NRXN2: variants seen among roughly 807,000 people sequenced by gnomAD.
NRXN2 encodes the protein neurexin-2-beta.
A neutral mutation model predicts 128.8 loss-of-function variants in NRXN2; 29 were observed. The ratio of observed to expected loss-of-function variants is 0.23; its 90% CI spans 0.17 to 0.31. The LOEUF is 0.31. Among genes scored for constraint, NRXN2 ranks in the 10% least tolerant of loss-of-function variants. NRXN2 has a pLI of 1.00. For missense variants in NRXN2, 1,881 were observed against 2,452.6 expected (o/e 0.77, Z 4.92); for synonymous variants, 1,098 against 1,075.2 (o/e 1.02, Z -0.41).
In NRXN2 at chr11:64,660,525, G is replaced by T; in HGVS notation, c.2196C>A (p.Val732=). ...TGTACATGGAGCCATCGTAGCTCAG[G>T]ACCGTGGCCTCTGCCCACAGGAGTT... The part of the protein sequence containing the change: ...LGRVCEREAT[V]LSYDGSMYMK... The change falls in exon 11 of 23, where the codon GTC becomes GTA. Residue 732 remains valine (V), a synonymous_variant. Coordinates refer to ENST00000265459, the MANE Select transcript of NRXN2 (RefSeq NM_015080.4). The surrounding 1 kb of genome is among the most constrained non-coding windows in gnomAD (Gnocchi z 5.2). 6.2e-7 allele frequency: 1 copy of T among 1,614,160 alleles called. No homozygotes were observed. Among genetic ancestry groups the T allele is most frequent in the East Asian group, 2.2e-5 (1 of 44,878 alleles).
chr11:64,649,977 C>T (rs1201152491), intron 15 of NRXN2, among the ~76,000 whole-genome samples: 1 of 151,978 alleles, frequency 6.6e-6, no homozygotes, highest in Non-Finnish European at 1.5e-5. Flanking sequence ...ACCAGGGAAG[C>T]CTAGGTCCAA....
chr11:64,660,575 G>A lies in NRXN2; in HGVS notation c.2186-40C>T, dbSNP rs745458127. 4.9e-5 allele frequency: 79 copies of A among 1,607,152 alleles called. No individual in the cohort carries two copies. Among genetic ancestry groups the A allele is most frequent in the Non-Finnish European group, 6.1e-5 (72 of 1,174,928 alleles). ...TGGGGAAGAGGGAAGGAGAAGACAG[G>A]CAGAGGCCAGGGGAGGGAGAAGACC... On this transcript the variant is annotated intron_variant, in intron 10 of 22. Coordinates refer to ENST00000265459, the MANE Select transcript of NRXN2 (RefSeq NM_015080.4). This position sits in a 1 kb window ranked among gnomAD's most constrained non-coding sequence, Gnocchi z 5.2.
chr11:64,620,724 G>A (rs1486899297), intron 21 of NRXN2, among the ~76,000 whole-genome samples: 1 of 148,796 alleles, frequency 6.7e-6, no homozygotes, highest in Non-Finnish European at 1.5e-5. Context: ...AGGTGCCAGG[G>A]AGGCAAGGCC....
At chr11:64,681,322 A>G (rs899047496) in intron 6 of NRXN2, among the ~76,000 whole-genome samples, 40 of 152,322 alleles carry the variant, frequency 2.6e-4, no homozygotes, top group African/African-American at 9.1e-4. Context: ...CAATAGTTGC[A>G]GGTATTAAGC....
At position 64,714,126 on chromosome 11, in the gene NRXN2, A is replaced by G. The variant is rs1006013890; in HGVS notation, c.-244-183T>C. ...AGAGACGCGGATTCCGGGGGCCAGC[A>G]CTTAGGAGAGATGGCACGCACTAGG... On this transcript the variant is annotated intron_variant, in intron 1 of 22. Coordinates refer to ENST00000265459, the MANE Select transcript of NRXN2 (RefSeq NM_015080.4). This position sits in a 1 kb window ranked among gnomAD's most constrained non-coding sequence, Gnocchi z 4.5. 1.3e-5 allele frequency among the ~76,000 whole-genome samples: 2 copies of G among 152,178 alleles called. No individual in the cohort carries two copies. The highest frequency in any genetic ancestry group is 4.8e-5 in the African/African-American group (2 of 41,462).
rs770351980 is a variant in NRXN2 at position 64,607,145 on chromosome 11, C to T, written c.*51G>A. ...GGCAGGGAGAGGGTGGCACCCTCCTCCCGGGCCCTCCCAGGAGGGGCAGCT... is the reference window on the plus strand; with the variant it reads ...GGCAGGGAGAGGGTGGCACCCTCCTTCCGGGCCCTCCCAGGAGGGGCAGCT... On this transcript the variant is annotated 3_prime_UTR_variant, in exon 23 of 23. Coordinates refer to ENST00000265459, the MANE Select transcript of NRXN2 (RefSeq NM_015080.4). 7 of 1,587,656 alleles carry T rather than the reference C, an allele frequency of 4.4e-6. No individual in the cohort carries two copies. The highest frequency in any genetic ancestry group is 1.8e-4 in the Middle Eastern group (1 of 5,420).
intron 15 of NRXN2, among the ~76,000 whole-genome samples, 163 bp from the exon 16 acceptor site, chr11:64,649,070 C>A (rs557760406): frequency 3.1e-4 from 47 of 152,264 alleles, no homozygotes; most frequent in Non-Finnish European, 5.6e-4. Context: ...CCCGCACCCC[C>A]CCAACACACT....
At chr11:64,642,413 C>A (rs2045832528) in intron 17 of NRXN2, 6 of 1,361,558 alleles carry the variant, frequency 4.4e-6, no homozygotes, top group Non-Finnish European at 5.8e-6. Context: ...CTCCGGGACG[C>A]AAAGCAGAGG....
intron 15 of NRXN2, among the ~76,000 whole-genome samples, chr11:64,649,984 C>T (rs1591796896): frequency 6.6e-6 from 1 of 152,012 alleles, no homozygotes; most frequent in Non-Finnish European, 1.5e-5. Context: ...AAGCCTAGGT[C>T]CAAAATGTCC....
rs116368661 is a variant in NRXN2, at chr11:64,609,708, T to C, written c.4253-1626A>G. On this transcript the variant is annotated intron_variant, in intron 22 of 22. Coordinates refer to ENST00000265459, the MANE Select transcript of NRXN2 (RefSeq NM_015080.4). Reference sequence around the variant, plus strand: ...AAGGGAGCTGGGGCTCAGCTCTAGGTGGCTGGTGGGAGGACTTGCTCCTCT... The same window carrying C: ...AAGGGAGCTGGGGCTCAGCTCTAGGCGGCTGGTGGGAGGACTTGCTCCTCT... Among the ~76,000 whole-genome samples the C allele has an allele frequency of 8.6e-3, 1,310 of 152,242 alleles. 17 individuals carry two copies. Among genetic ancestry groups the C allele is most frequent in the African/African-American group, 0.03 (1,239 of 41,530 alleles).
chr11:64,650,598 A>T lies in NRXN2; in HGVS notation c.2959T>A (p.Leu987Met). ...YVFDLGNGPS[L>M]MKGNSDKPVN... ...GGTTTGTCTGAGTTCCCCTTCATCA[A>T]GGACGGGCCATTCCCCAGGTCAAAC... Residue 987 changes from leucine (L) to methionine (M), a missense_variant, in exon 15 of 23, where the codon TTG becomes ATG. Coordinates refer to ENST00000265459, the MANE Select transcript of NRXN2 (RefSeq NM_015080.4). The T allele has an allele frequency of 6.2e-7, 1 of 1,614,150 alleles. No individual in the cohort carries two copies. Among genetic ancestry groups the T allele is most frequent in the Non-Finnish European group, 8.5e-7 (1 of 1,180,030 alleles).
chr11:64,648,351 G>A lies in NRXN2; in HGVS notation c.3284-13C>T, dbSNP rs368610937. On this transcript the variant is annotated splice_polypyrimidine_tract_variant and intron_variant, in intron 16 of 22. Transcript: ENST00000265459. The surrounding 1 kb of genome is among the most constrained non-coding windows in gnomAD (Gnocchi z 4.1). ...GTGGTGCTGGGGCCTGGAAGGGGCA[G>A]GAGAAAGGAACACCCCTGGCTCAGC... 1.9e-5 allele frequency: 30 copies of A among 1,614,006 alleles called. No individual in the cohort carries two copies. The highest frequency in any genetic ancestry group is 2.3e-5 in the Non-Finnish European group (27 of 1,179,998).
intron 2 of NRXN2, among the ~76,000 whole-genome samples, chr11:64,700,349 T>C (rs1354550283): frequency 6.6e-6 from 1 of 152,160 alleles, no homozygotes; most frequent in African/African-American, 2.4e-5. Context: ...TACAACCAAG[T>C]GCTTATTCCC....
intron 7 of NRXN2, among the ~76,000 whole-genome samples, chr11:64,672,689 A>C (rs2050791036): frequency 1.3e-5 from 2 of 151,946 alleles, no homozygotes; most frequent in Admixed American, 1.3e-4. Flanking sequence ...CTTAGGATTG[A>C]GTGGGTGGAA....
At chr11:64,642,720 C>T (rs1353026290) in intron 17 of NRXN2, 5 of 1,452,366 alleles carry the variant, frequency 3.4e-6, no homozygotes, top group East Asian at 3.0e-5. Context: ...GTGGCGGCGG[C>T]GGCGGTGGAG....
chr11:64,684,480 T>C (rs2052738601), intron 6 of NRXN2, among the ~76,000 whole-genome samples: 1 of 151,894 alleles, frequency 6.6e-6, no homozygotes, highest in African/African-American at 2.4e-5. Context: ...CTGCAACAGG[T>C]AGTGGCAGGC....
At chr11:64,663,987 G>A (rs2049414301) in intron 9 of NRXN2, among the ~76,000 whole-genome samples, 1 of 152,232 alleles carries the variant, frequency 6.6e-6, no homozygotes, top group Non-Finnish European at 1.5e-5. Flanking sequence ...GGTACCGAGA[G>A]TAGCCAGATT....
chr11:64,707,029 G>A (rs2056405926), intron 2 of NRXN2, among the ~76,000 whole-genome samples: 1 of 147,788 alleles, frequency 6.8e-6, no homozygotes, highest in African/African-American at 2.5e-5. Flanking sequence ...TCAGCTCACT[G>A]CGACCTCCAC....
At chr11:64,649,618 T>C (rs2047187284) in intron 15 of NRXN2, among the ~76,000 whole-genome samples, 2 of 152,118 alleles carry the variant, frequency 1.3e-5, no homozygotes, top group South Asian at 4.1e-4. Context: ...ACAAGGGGAA[T>C]TCACAGCACT....
Sources: gnomAD v4.1 joint callset for allele counts (sites outside exome capture counted in the v4.1 genomes callset) on GRCh38, gnomAD v4.1.1 for gene constraint, Gnocchi (gnomAD v3.1) non-coding constraint, MANE v1.5 for transcripts, NCBI Gene and HGNC (gene_info 2026-07-23, HGNC 2026-07-21) for gene names.